RPA3: variants seen among roughly 807,000 people sequenced by gnomAD.
The protein encoded by RPA3 is replication protein A3.
In RPA3, 24 loss-of-function variants were observed where a neutral mutation model predicts 13.7. The observed-to-expected ratio is 1.75, with a 90% confidence interval of 1.27 to 2.46. The LOEUF is 2.46. Among genes scored for constraint, RPA3 ranks in the 30% most tolerant of loss-of-function variants. The pLI, the probability that RPA3 is intolerant of heterozygous loss-of-function variation, is 0.00. For missense variants in RPA3, 183 were observed against 151.0 expected (o/e 1.21, Z -1.11); for synonymous variants, 59 against 51.2 (o/e 1.15, Z -0.65).
chr7:7,648,226 C>T (rs548571041), intron 4 of RPA3, among the ~76,000 whole-genome samples: 60 of 152,196 alleles, frequency 3.9e-4, no homozygotes, highest in Non-Finnish European at 7.6e-4. Flanking sequence ...GGATGGATTC[C>T]TTTCTAAGAG....
At chr7:7,691,347 T>C (rs1042582955) in intron 2 of RPA3, among the ~76,000 whole-genome samples, 4 of 152,358 alleles carry the variant, frequency 2.6e-5, no homozygotes, top group African/African-American at 9.6e-5. Flanking sequence ...GTCGTCATCA[T>C]TATTTTATAT....
intron 4 of RPA3, among the ~76,000 whole-genome samples, chr7:7,657,481 AT>A (rs1216903982): frequency 6.6e-6 from 1 of 152,116 alleles, no homozygotes; most frequent in Non-Finnish European, 1.5e-5. Flanking sequence ...TCTTGAGTTA[AT>A]TTTTGTATAA....
intron 4 of RPA3, among the ~76,000 whole-genome samples, chr7:7,646,223 C>T (rs1785090386): frequency 1.3e-5 from 2 of 152,158 alleles, no homozygotes; most frequent in African/African-American, 4.8e-5. Flanking sequence ...AATCAGGTTA[C>T]ATGGGCTTGA....
At chr7:7,645,338 T>C (rs1395431764) in intron 4 of RPA3, among the ~76,000 whole-genome samples, 1 of 152,238 alleles carries the variant, frequency 6.6e-6, no homozygotes, top group African/African-American at 2.4e-5. Flanking sequence ...TATTCTCACA[T>C]GTGAAAGAAG....
intron 2 of RPA3, among the ~76,000 whole-genome samples, chr7:7,701,278 T>A (rs1187190914): frequency 6.6e-6 from 1 of 152,122 alleles, no homozygotes; most frequent in East Asian, 1.9e-4. Context: ...AAAGATAAAT[T>A]TGTGGCTGAG....
chr7:7,666,956 C>T (rs2108001), intron 4 of RPA3, among the ~76,000 whole-genome samples: 85,548 of 151,966 alleles, frequency 0.56, 24,511 homozygotes, highest in East Asian at 0.8. Flanking sequence ...TGCAGGCGTG[C>T]GCCACCACAT....
intron 4 of RPA3, among the ~76,000 whole-genome samples, chr7:7,655,546 C>T (rs1465378777): frequency 2.0e-5 from 3 of 152,170 alleles, no homozygotes; most frequent in Non-Finnish European, 2.9e-5. Context: ...CTTCCAACTT[C>T]CTAAGTATTT....
At chr7:7,653,100 G>A (rs1342551988) in intron 4 of RPA3, among the ~76,000 whole-genome samples, 2 of 152,150 alleles carry the variant, frequency 1.3e-5, no homozygotes, top group Non-Finnish European at 2.9e-5. Context: ...TGTTTTATGT[G>A]GAGAGATGCT....
intron 2 of RPA3, among the ~76,000 whole-genome samples, chr7:7,690,960 A>G (rs1780159387): frequency 1.3e-5 from 2 of 152,186 alleles, no homozygotes; most frequent in Admixed American, 1.3e-4. Flanking sequence ...TTATCCCCTA[A>G]AGGAGTGCAG....
intron 4 of RPA3, among the ~76,000 whole-genome samples, chr7:7,685,410 A>C (rs748668230): frequency 6.6e-5 from 10 of 151,664 alleles, no homozygotes; most frequent in Non-Finnish European, 1.3e-4. Context: ...CATGGGTTCA[A>C]GCGATTCTCC....
At chr7:7,690,890 AAT>A (rs1780158008) in intron 2 of RPA3, among the ~76,000 whole-genome samples, 1 of 152,220 alleles carries the variant, frequency 6.6e-6, no homozygotes, top group Non-Finnish European at 1.5e-5. Context: ...CTGTTATGAA[AAT>A]ATGTAAATAC....
At chr7:7,696,840 CTT>C (rs113254851) in intron 2 of RPA3, among the ~76,000 whole-genome samples, 1 of 146,838 alleles carries the variant, frequency 6.8e-6, no homozygotes, top group Admixed American at 6.8e-5. Flanking sequence ...CTTTCTTCTT[CTT>C]TTTTTTTTTA....
chr7:7,680,139 G>C (rs1779872827), intron 4 of RPA3, among the ~76,000 whole-genome samples: 1 of 152,006 alleles, frequency 6.6e-6, no homozygotes, highest in Non-Finnish European at 1.5e-5. Flanking sequence ...TGTAGCATTT[G>C]CCCAATGCTT....
At position 7,640,341 on chromosome 7, in the gene RPA3, G is replaced by A. The variant is rs1256510606; in HGVS notation, c.78C>T (p.Cys26=). 1 of 1,614,042 alleles carries A rather than the reference G, an allele frequency of 6.2e-7. No individual in the cohort carries two copies. The highest frequency in any genetic ancestry group is 1.1e-5 in the South Asian group (1 of 91,078). The part of the protein sequence containing the change: ...MLAQFIDKPV[C]FVGRLEKIHP... Reference sequence around the variant, plus strand: ...ACACCTTTTCCAGCCTCCCTACGAAGCAGACAGGCTTGTCGATGAATTGAG... The same window carrying A: ...ACACCTTTTCCAGCCTCCCTACGAAACAGACAGGCTTGTCGATGAATTGAG... The change falls in exon 5 of 8, where the codon TGC becomes TGT. Residue 26 remains cysteine, a synonymous_variant. Transcript: ENST00000223129.
intron 4 of RPA3, among the ~76,000 whole-genome samples, chr7:7,644,468 C>T (rs982375437): frequency 1.3e-5 from 2 of 151,668 alleles, no homozygotes; most frequent in African/African-American, 4.8e-5. Flanking sequence ...TTTGATACAT[C>T]GTACTCTTAA....
At chr7:7,639,761 T>A (rs1784922958) in intron 5 of RPA3, 1 of 157,324 alleles carries the variant, frequency 6.4e-6, no homozygotes, top group Admixed American at 6.4e-5. Flanking sequence ...TATAATAGTT[T>A]TCTTTTCCTC....
chr7:7,688,110 C>T (rs565608451), intron 2 of RPA3, among the ~76,000 whole-genome samples: 1 of 152,332 alleles, frequency 6.6e-6, no homozygotes, highest in South Asian at 2.1e-4. Context: ...AAACTTCTGA[C>T]ACTACATGTA....
chr7:7,662,663 C>G (rs1785504938), intron 4 of RPA3, among the ~76,000 whole-genome samples: 1 of 152,156 alleles, frequency 6.6e-6, no homozygotes, highest in East Asian at 1.9e-4. Flanking sequence ...TAACCAGTCC[C>G]AATGAGATGA....
intron 4 of RPA3, among the ~76,000 whole-genome samples, chr7:7,655,661 C>T (rs1010255207): frequency 6.6e-6 from 1 of 152,046 alleles, no homozygotes; most frequent in African/African-American, 2.4e-5. Flanking sequence ...TATAACTTCC[C>T]TTTTTAATGG....
Sources: gnomAD v4.1 joint callset for allele counts (sites outside exome capture counted in the v4.1 genomes callset) on GRCh38, gnomAD v4.1.1 for gene constraint, MANE v1.5 for transcripts, NCBI Gene and HGNC (gene_info 2026-07-23, HGNC 2026-07-21) for gene names.